MANSC4: variants seen among roughly 807,000 people sequenced by gnomAD.
MANSC4 encodes MANSC domain-containing protein 4.
MANSC4 carries 11 observed loss-of-function variants against 11.4 expected under a neutral mutation model. That is an observed-to-expected ratio of 0.97 (90% CI 0.61 to 1.60). The LOEUF (loss-of-function observed/expected upper bound fraction) is 1.60. MANSC4 is among the 40% of genes most tolerant of loss of function. MANSC4 has a pLI of 0.00. For missense variants in MANSC4, 354 were observed against 404.6 expected (o/e 0.88, Z 1.07); for synonymous variants, 123 against 147.1 (o/e 0.84, Z 1.19).
Position 27,763,225 on chromosome 12 carries a change from T to G in MANSC4, c.536A>C (p.His179Pro). ...PSTEAPSSTTHQDLVVNTNST... is the reference protein window; with the variant it reads ...PSTEAPSSTTPQDLVVNTNST... ...GTTTGTGTTTACAACCAAATCTTGATGCGTGGTTGAGGATGGAGCCTCTGT... is the reference window on the plus strand; with the variant it reads ...GTTTGTGTTTACAACCAAATCTTGAGGCGTGGTTGAGGATGGAGCCTCTGT... Residue 179 changes from histidine (H) to proline (P), a missense_variant, in exon 4 of 4, where the codon CAT becomes CCT. Transcript: ENST00000381273. The G allele has an allele frequency of 3.2e-6, 5 of 1,551,732 alleles. No individual in the cohort carries two copies. Among genetic ancestry groups the G allele is most frequent in the Non-Finnish European group, 4.4e-6 (5 of 1,147,012 alleles).
At chr12:27,768,417 A>AAG (rs2140799855) in intron 2 of MANSC4, among the ~76,000 whole-genome samples, 1 of 95,622 alleles carries the variant, frequency 1.0e-5, no homozygotes, top group African/African-American at 3.1e-5. Flanking sequence ...AAAAAAAAAA[A>AAG]AAAAAGAAAA....
chr12:27,770,387 G>T (rs966676926), intron 2 of MANSC4, among the ~76,000 whole-genome samples: 2 of 152,164 alleles, frequency 1.3e-5, no homozygotes, highest in East Asian at 1.9e-4. Context: ...CACCATGTTG[G>T]CCAGGTTGGT....
At position 27,765,048 on chromosome 12, in the gene MANSC4, G is replaced by C. The variant is rs1311554877; in HGVS notation, c.364+1617C>G. ...ATGGGGGTCTCTCTGTGTTGTTCAG[G>C]TTGGTCTCAAACTCCTGGGCTCAAG... On this transcript the variant is annotated intron_variant, in intron 3 of 3. Transcript: ENST00000381273. Among the ~76,000 whole-genome samples, 4 of 151,714 alleles carry C rather than the reference G, an allele frequency of 2.6e-5. No individual in the cohort carries two copies. The East Asian group carries it at 5.8e-4, about 22-fold the overall frequency.
intron 2 of MANSC4, among the ~76,000 whole-genome samples, chr12:27,770,299 G>C (rs2140801468): frequency 6.6e-6 from 1 of 152,108 alleles, no homozygotes; most frequent in African/African-American, 2.4e-5. Flanking sequence ...TCCAAACTCA[G>C]CCCCCCGCGT....
At chr12:27,767,211 G>C (rs2062075936) in intron 2 of MANSC4, among the ~76,000 whole-genome samples, 1 of 152,004 alleles carries the variant, frequency 6.6e-6, no homozygotes, top group African/African-American at 2.4e-5. Flanking sequence ...AAACTCCAGA[G>C]CTCAAGCAAT....
At position 27,763,030 on chromosome 12, in the gene MANSC4, G is replaced by C; in HGVS notation, c.731C>G (p.Ser244Cys). Residue 244 changes from serine to cysteine, a missense_variant, in exon 4 of 4, where the codon TCT (serine) becomes TGT (cysteine). Ser to Cys is a moderately radical substitution (Grantham distance 112, BLOSUM62 -1). Transcript: ENST00000381273. ...PFFEPIDTKL[S>C]HMPVPPGLNS... ...GAGTCCAGGTGGAACAGGCATATGA[G>C]AAAGTTTTGTGTCTATGGGTTCAAA... 1 of 1,551,716 alleles carries C rather than the reference G, an allele frequency of 6.4e-7. No individual in the cohort carries two copies. The highest frequency in any genetic ancestry group is 8.7e-7 in the Non-Finnish European group (1 of 1,147,010).
intron 3 of MANSC4, among the ~76,000 whole-genome samples, chr12:27,765,429 G>A (rs1009403677): frequency 1.3e-5 from 2 of 151,934 alleles, no homozygotes; most frequent in Admixed American, 6.6e-5. Flanking sequence ...TGGCCCTTAC[G>A]ATACCTGTCC....
At chr12:27,768,443 AAAAG>A (rs1315837577) in intron 2 of MANSC4, among the ~76,000 whole-genome samples, 2 of 150,076 alleles carry the variant, frequency 1.3e-5, no homozygotes, top group Admixed American at 1.3e-4. Flanking sequence ...AAGAAAAAGA[AAAAG>A]AAAATAGTTC....
At chr12:27,774,177 AAC>A (rs2062111068) in intron 1 of MANSC4, among the ~76,000 whole-genome samples, 1 of 152,078 alleles carries the variant, frequency 6.6e-6, no homozygotes, top group Non-Finnish European at 1.5e-5. Flanking sequence ...ACAAAAAAAA[AAC>A]CCCAGAAATA....
chr12:27,770,166 G>A (rs2062093987), intron 2 of MANSC4, among the ~76,000 whole-genome samples: 1 of 149,850 alleles, frequency 6.7e-6, no homozygotes, highest in Non-Finnish European at 1.5e-5. Context: ...TTTTAGTTTA[G>A]TTGTGTGTGT....
At chr12:27,763,490 A>G (rs1591807722) in intron 3 of MANSC4, 94 bp from the exon 4 acceptor site, 11 of 1,197,068 alleles carry the variant, frequency 9.2e-6, no homozygotes, top group East Asian at 2.6e-5. Flanking sequence ...TTTTGCCGCT[A>G]TGAGTTATCG....
chr12:27,771,215 T>A lies in MANSC4; in HGVS notation c.62A>T (p.Asp21Val), dbSNP rs1304474569. Residue 21 changes from aspartate to valine, a missense_variant, in exon 2 of 4, where the codon GAC (aspartate) becomes GTC (valine). Coordinates refer to ENST00000381273, the MANE Select transcript of MANSC4 (RefSeq NM_001146221.5). ...ILLLSMGWTS[D>V]SLCSPTIFYR... is the part of the protein sequence containing the mutation. ...AAAAATTGTGGGTGAGCAGAGAGAG[T>A]CTGATGTCCACCCCATGCTTAGGAG... is the stretch of plus-strand genomic sequence containing the variant. 2 of 1,551,690 alleles carry A rather than the reference T, an allele frequency of 1.3e-6. No individual in the cohort carries two copies. Among genetic ancestry groups the A allele is most frequent in the Non-Finnish European group, 1.7e-6 (2 of 1,147,040 alleles).
At position 27,780,179 on chromosome 12, in the gene MANSC4, G is replaced by C. The variant is rs2062138596; in HGVS notation, c.-307+31C>G. The stretch of plus-strand genomic sequence containing the variant: ...CGGGCCCCGGGAGGAGGGGCCGCCG[G>C]AGAGGCCGGGCGAGCGCGGGCGGCC... On this transcript the variant is annotated intron_variant, in intron 1 of 3. Coordinates refer to ENST00000381273, the MANE Select transcript of MANSC4 (RefSeq NM_001146221.5). The surrounding 1 kb of genome is among the most constrained non-coding windows in gnomAD (Gnocchi z 8.8). 4.7e-6 allele frequency: 2 copies of C among 425,520 alleles called. No individual in the cohort carries two copies. Among genetic ancestry groups the C allele is most frequent in the East Asian group, 1.2e-4 (2 of 16,146 alleles). 26.4% of individuals were successfully genotyped at this position (425,520 alleles called of 1,614,324 possible). A position where few individuals can be genotyped will look rare whatever the true frequency, so the allele number is the denominator to read the frequency against.
intron 3 of MANSC4, among the ~76,000 whole-genome samples, chr12:27,766,401 G>C (rs747619983): frequency 6.6e-6 from 1 of 152,080 alleles, no homozygotes; most frequent in East Asian, 1.9e-4. Context: ...AAGAGTTCTT[G>C]AGATTCATGA....
chr12:27,776,341 T>C (rs1275459074), intron 1 of MANSC4, among the ~76,000 whole-genome samples: 2 of 152,198 alleles, frequency 1.3e-5, no homozygotes, highest in East Asian at 3.8e-4. Context: ...CAATTTTTTG[T>C]TATTAAAAGC....
chr12:27,772,175 CTG>C (rs142443518), intron 1 of MANSC4, among the ~76,000 whole-genome samples: 6,086 of 152,280 alleles, frequency 0.04, 388 homozygotes, highest in African/African-American at 0.14. Flanking sequence ...TGAAAATGGA[CTG>C]TTGCTTTTGT....
At chr12:27,766,833 T>A in intron 2 of MANSC4, 34 bp from the exon 3 acceptor site, 1 of 1,544,860 alleles carries the variant, frequency 6.5e-7, no homozygotes, top group Non-Finnish European at 8.7e-7. Context: ...CATCTGCAGA[T>A]GGTCTCAATT....
chr12:27,771,362 T>C lies in MANSC4; in HGVS notation c.-86A>G, dbSNP rs2062100354. 3.3e-6 allele frequency: 4 copies of C among 1,222,490 alleles called. No homozygotes were observed. Among genetic ancestry groups the C allele is most frequent in the Non-Finnish European group, 4.5e-6 (4 of 882,402 alleles). 75.7% of individuals were successfully genotyped at this position (1,222,490 alleles called of 1,614,324 possible). ...GGAGTTTAGGACAGTCTCTGGAACG[T>C]CAGAGGTGTTGTTAAGGGAGAGCTT... On this transcript the variant is annotated 5_prime_UTR_variant, in exon 2 of 4. Coordinates refer to ENST00000381273, the MANE Select transcript of MANSC4 (RefSeq NM_001146221.5).
chr12:27,766,257 A>G (rs779252379), intron 3 of MANSC4, among the ~76,000 whole-genome samples: 2 of 152,122 alleles, frequency 1.3e-5, no homozygotes, highest in African/African-American at 2.4e-5. Flanking sequence ...TGGTAGAGAC[A>G]GGGTTTCACC....
Sources: allele counts gnomAD v4.1 joint callset (sites outside exome capture counted in the v4.1 genomes callset), GRCh38; gene constraint gnomAD v4.1.1; non-coding constraint Gnocchi (gnomAD v3.1); transcripts MANE v1.5; gene names NCBI Gene and HGNC (gene_info 2026-07-23, HGNC 2026-07-21).